Variants in ALPK1 observed in about 807,000 individuals in gnomAD.
The protein encoded by ALPK1 is alpha-protein kinase 1.
A neutral mutation model predicts 120.6 loss-of-function variants in ALPK1; 110 were observed. The ratio of observed to expected loss-of-function variants is 0.91; its 90% confidence interval spans 0.78 to 1.07. The LOEUF (loss-of-function observed/expected upper bound fraction) is 1.07, where lower values mean the gene tolerates loss of function less well. Ranked by LOEUF, ALPK1 falls within the 50% of genes least tolerant of loss-of-function variation. The pLI is 0.00. For synonymous variants in ALPK1, 582 were observed against 560.3 expected (o/e 1.04, Z -0.55); for missense variants, 1,498 against 1,483.9 (o/e 1.01, Z -0.16).
chr4:112,393,432 T>A (rs1436031597), intron 4 of ALPK1, among the ~76,000 whole-genome samples: 1 of 152,198 alleles, frequency 6.6e-6, no homozygotes, highest in Non-Finnish European at 1.5e-5. Flanking sequence ...ACCATGTAGA[T>A]CTTACAGAAG....
chr4:112,358,283 G>A (rs758984694), intron 2 of ALPK1: 11 of 595,584 alleles, frequency 1.8e-5, no homozygotes, highest in African/African-American at 5.5e-5. Context: ...GCGTCCCTAC[G>A]TCAGGGTGTA....
chr4:112,366,802 G>A (rs946307938), intron 2 of ALPK1, among the ~76,000 whole-genome samples: 5 of 152,186 alleles, frequency 3.3e-5, no homozygotes, highest in African/African-American at 9.7e-5. Flanking sequence ...CAGTCCAAAT[G>A]CCCATCAATC....
chr4:112,424,614 T>A (rs1416280891), intron 6 of ALPK1, among the ~76,000 whole-genome samples: 1 of 152,198 alleles, frequency 6.6e-6, no homozygotes, highest in Non-Finnish European at 1.5e-5. Context: ...CATTGGACTT[T>A]TAAACTCAGC....
At chr4:112,429,928 A>C (rs1039992598) in intron 10 of ALPK1, among the ~76,000 whole-genome samples, 1 of 152,006 alleles carries the variant, frequency 6.6e-6, no homozygotes, top group African/African-American at 2.4e-5. Context: ...GCTCCACCCT[A>C]GATCCACTAA....
At position 112,429,087 on chromosome 4, in the gene ALPK1, C is replaced by T. The variant is rs574598503; in HGVS notation, c.796-62C>T. On this transcript the variant is annotated intron_variant, in intron 9 of 15. Transcript: ENST00000650871. ...AAGAAAAGCAAAACCATTTCATAGCCTGTTTTTTGCTCATCGATAATTAAT... is the reference window on the plus strand; with the variant it reads ...AAGAAAAGCAAAACCATTTCATAGCTTGTTTTTTGCTCATCGATAATTAAT... The T allele has an allele frequency of 1.3e-3, 1,838 of 1,403,758 alleles. 4 individuals are homozygous for T. Among genetic ancestry groups the T allele is most frequent in the Non-Finnish European group, 1.6e-3 (1,610 of 993,566 alleles). The allele number at this position is 1,403,758 out of a possible 1,614,324, so 87.0% of individuals were successfully genotyped here. A position where few individuals can be genotyped will look rare whatever the true frequency, so the allele number is the denominator to read the frequency against.
chr4:112,359,018 C>T (rs1176420152), intron 2 of ALPK1: 1 of 765,656 alleles, frequency 1.3e-6, no homozygotes, highest in East Asian at 2.5e-5. Flanking sequence ...AAGGCTGTGG[C>T]TATCGGCCAG....
intron 2 of ALPK1, among the ~76,000 whole-genome samples, chr4:112,363,871 G>A (rs1425035920): frequency 1.3e-5 from 2 of 152,138 alleles, no homozygotes; most frequent in African/African-American, 4.8e-5. Context: ...CTCTCAGGCT[G>A]CAGTGGAATA....
intron 2 of ALPK1, among the ~76,000 whole-genome samples, chr4:112,353,840 ACCTGAG>A (rs955913309): frequency 6.6e-6 from 1 of 151,938 alleles, no homozygotes; most frequent in Non-Finnish European, 1.5e-5. Context: ...CTGCACTCCA[ACCTGAG>A]CTACAGAGTG....
intron 2 of ALPK1, chr4:112,357,354 CT>C: frequency 2.7e-6 from 2 of 750,032 alleles, no homozygotes; most frequent in Non-Finnish European, 2.3e-6. Flanking sequence ...GAGAATGGCC[CT>C]GGTTCCCTGG....
intron 4 of ALPK1, among the ~76,000 whole-genome samples, chr4:112,386,957 T>TGAA (rs1732179841): frequency 6.6e-6 from 1 of 152,194 alleles, no homozygotes; most frequent in Non-Finnish European, 1.5e-5. Context: ...ATGAGCAACT[T>TGAA]TTTTCAAGTG....
chr4:112,313,638 G>A lies in ALPK1; in HGVS notation c.-152-2163G>A, dbSNP rs138299190. ...CTTGGGAGGCTGAGGCACAAGAATC[G>A]CTTGAACATGGGAGTTGGAGGTTGC... On this transcript the variant is annotated intron_variant, in intron 1 of 15. Transcript: ENST00000650871. Among the ~76,000 whole-genome samples the A allele has an allele frequency of 5.7e-3, 872 of 152,280 alleles. 2 individuals carry two copies. Among genetic ancestry groups the A allele is most frequent in the Non-Finnish European group, 0.01 (689 of 68,016 alleles).
chr4:112,366,766 A>T (rs1365210704), intron 2 of ALPK1, among the ~76,000 whole-genome samples: 1 of 152,234 alleles, frequency 6.6e-6, no homozygotes, highest in East Asian at 1.9e-4. Context: ...ATAGCAGCAC[A>T]ATTCACAAAT....
At chr4:112,430,414 C>A in intron 10 of ALPK1, 34 bp from the exon 11 acceptor site, 1 of 1,518,518 alleles carries the variant, frequency 6.6e-7, no homozygotes, top group Admixed American at 2.1e-5. Flanking sequence ...GTTTTCAATT[C>A]AATATCTGAT....
intron 4 of ALPK1, among the ~76,000 whole-genome samples, chr4:112,391,357 A>G (rs1732409059): frequency 6.6e-6 from 1 of 152,236 alleles, no homozygotes. Flanking sequence ...CATAAAAAGT[A>G]TGGACAACAA....
intron 2 of ALPK1, among the ~76,000 whole-genome samples, chr4:112,370,834 A>C (rs988395466): frequency 4.6e-5 from 7 of 152,200 alleles, no homozygotes; most frequent in African/African-American, 1.7e-4. Flanking sequence ...ACTAAACATG[A>C]ATTACCTTGG....
chr4:112,375,772 A>G (rs1731630430), intron 2 of ALPK1, among the ~76,000 whole-genome samples: 1 of 151,158 alleles, frequency 6.6e-6, no homozygotes, highest in Admixed American at 6.6e-5. Context: ...TGCATTCACA[A>G]CTTGGCTGTT....
At position 112,396,996 on chromosome 4, in the gene ALPK1, C is replaced by T. The variant is rs571653136; in HGVS notation, c.276+14444C>T. Among the ~76,000 whole-genome samples, 4 of 152,086 alleles carry T rather than the reference C, an allele frequency of 2.6e-5. No individual in the cohort carries two copies. In the East Asian group the frequency reaches 7.7e-4, roughly 29 times the overall value. On this transcript the variant is annotated intron_variant, in intron 4 of 15. Transcript: ENST00000650871. ...ATCACCAGGTTGCCCAGGCTGATCT[C>T]GAACTCCTGAGCTCAGACAATCCTC...
intron 2 of ALPK1, among the ~76,000 whole-genome samples, chr4:112,328,439 C>A (rs879862731): frequency 1.3e-5 from 2 of 152,204 alleles, no homozygotes; most frequent in Non-Finnish European, 1.5e-5. Context: ...CCTACATGTC[C>A]AAAGTATCCA....
At chr4:112,352,346 T>C (rs961907669) in intron 2 of ALPK1, among the ~76,000 whole-genome samples, 2 of 152,194 alleles carry the variant, frequency 1.3e-5, no homozygotes, top group African/African-American at 4.8e-5. Flanking sequence ...CCTCAAAAAA[T>C]CCACAATTCT....
Sources: allele counts gnomAD v4.1 joint callset (sites outside exome capture counted in the v4.1 genomes callset), GRCh38; gene constraint gnomAD v4.1.1; transcripts MANE v1.5; gene names NCBI Gene and HGNC (gene_info 2026-07-23, HGNC 2026-07-21).